The following ZNF804B variants were observed in gnomAD, a reference collection of about 807,000 sequenced individuals.
ZNF804B encodes the protein zinc finger 804B.
In ZNF804B, 80 loss-of-function variants were observed where a neutral mutation model predicts 101.4. That is an observed-to-expected ratio of 0.79 (90% CI 0.66 to 0.95). The LOEUF (loss-of-function observed/expected upper bound fraction) is 0.95, where lower values mean the gene tolerates loss of function less well. ZNF804B is among the 40% of genes least tolerant of loss of function. The pLI, the probability that ZNF804B is intolerant of heterozygous loss-of-function variation, is 0.00. For missense variants in ZNF804B, 1,673 were observed against 1,561.9 expected (o/e 1.07, Z -1.20); for synonymous variants, 622 against 558.8 (o/e 1.11, Z -1.59).
intron 1 of ZNF804B, among the ~76,000 whole-genome samples, chr7:88,948,374 G>C (rs1793169887): frequency 7.4e-6 from 1 of 136,008 alleles, no homozygotes. Flanking sequence ...GCAGCGGTAT[G>C]ATCATGGGCC....
chr7:89,066,482 C>T (rs928668827), intron 1 of ZNF804B, among the ~76,000 whole-genome samples: 1 of 152,046 alleles, frequency 6.6e-6, no homozygotes. Flanking sequence ...TGATGGGAAC[C>T]ATTAGCAGGT....
At chr7:88,781,631 C>T (rs1387312760) in intron 1 of ZNF804B, among the ~76,000 whole-genome samples, 1 of 152,106 alleles carries the variant, frequency 6.6e-6, no homozygotes, top group African/African-American at 2.4e-5. Context: ...TTTCTTATAT[C>T]ATTTATTTTA....
intron 1 of ZNF804B, among the ~76,000 whole-genome samples, chr7:88,830,601 G>A (rs1483941355): frequency 1.3e-5 from 2 of 151,774 alleles, no homozygotes; most frequent in Non-Finnish European, 2.9e-5. Flanking sequence ...TGTTTTCAGT[G>A]TACCCAGCTT....
intron 1 of ZNF804B, among the ~76,000 whole-genome samples, chr7:88,963,499 C>T (rs528513526): frequency 6.6e-6 from 1 of 151,380 alleles, no homozygotes; most frequent in Admixed American, 6.6e-5. Context: ...TTACCTTATA[C>T]CTTATACACA....
intron 1 of ZNF804B, among the ~76,000 whole-genome samples, chr7:88,932,159 G>A (rs1224567031): frequency 2.0e-5 from 3 of 151,700 alleles, no homozygotes; most frequent in Non-Finnish European, 4.4e-5. Context: ...AGACAAAATG[G>A]GTATGAGCTA....
intron 1 of ZNF804B, among the ~76,000 whole-genome samples, chr7:88,774,792 T>C (rs1790118643): frequency 6.6e-6 from 1 of 152,106 alleles, no homozygotes; most frequent in Non-Finnish European, 1.5e-5. Flanking sequence ...CTCTAAATTG[T>C]AGAGACCACA....
At chr7:89,096,024 G>A (rs909795706) in intron 1 of ZNF804B, among the ~76,000 whole-genome samples, 7 of 151,872 alleles carry the variant, frequency 4.6e-5, no homozygotes, top group Non-Finnish European at 1.0e-4. Context: ...GCATGGTGGC[G>A]GGTGCCTGTA....
Position 89,176,433 on chromosome 7 carries a change from T to C in ZNF804B, c.109-41722T>C, listed in dbSNP as rs73395262. Among the ~76,000 whole-genome samples, 679 of 152,128 alleles carry C rather than the reference T, an allele frequency of 4.5e-3. 7 individuals carry two copies. The highest frequency in any genetic ancestry group is 0.016 in the African/African-American group (649 of 41,552). ...ATATGTTAAACCATCTTTGCGTGAT[T>C]GGAATAAATCTCACTTGGTCATGAT... On this transcript the variant is annotated intron_variant, in intron 1 of 3. Transcript: ENST00000333190.
intron 1 of ZNF804B, among the ~76,000 whole-genome samples, chr7:88,956,851 C>A (rs565350595): frequency 6.6e-6 from 1 of 151,510 alleles, no homozygotes; most frequent in South Asian, 2.1e-4. Context: ...CTCTATTTTA[C>A]TTTTGTTGCA....
chr7:89,080,455 G>A (rs1789679841), intron 1 of ZNF804B, among the ~76,000 whole-genome samples: 1 of 151,818 alleles, frequency 6.6e-6, no homozygotes, highest in Non-Finnish European at 1.5e-5. Flanking sequence ...ATAGCTTTTA[G>A]GAAGTAATAC....
intron 1 of ZNF804B, among the ~76,000 whole-genome samples, chr7:88,774,238 C>A (rs1160751027): frequency 6.7e-6 from 1 of 148,836 alleles, no homozygotes; most frequent in Non-Finnish European, 1.5e-5. Flanking sequence ...GAAACTTCGG[C>A]CACCTCCAAG....
At chr7:89,018,476 G>T (rs972240505) in intron 1 of ZNF804B, among the ~76,000 whole-genome samples, 7 of 151,628 alleles carry the variant, frequency 4.6e-5, no homozygotes, top group Admixed American at 6.6e-5. Context: ...TTTTTATGGA[G>T]TTTTTTTGTA....
At chr7:88,760,680 C>A (rs963532469) in intron 1 of ZNF804B, among the ~76,000 whole-genome samples, 23 of 151,886 alleles carry the variant, frequency 1.5e-4, no homozygotes, top group Middle Eastern at 3.5e-3. Flanking sequence ...TATTAACATG[C>A]AATTAACGTG....
At chr7:89,260,919 G>A (rs1425287302) in intron 2 of ZNF804B, among the ~76,000 whole-genome samples, 1 of 152,104 alleles carries the variant, frequency 6.6e-6, no homozygotes, top group African/African-American at 2.4e-5. Flanking sequence ...ATATGGGTTC[G>A]ATGTTGTTCT....
At chr7:89,180,321 A>G (rs1788280122) in intron 1 of ZNF804B, among the ~76,000 whole-genome samples, 1 of 152,122 alleles carries the variant, frequency 6.6e-6, no homozygotes, top group Non-Finnish European at 1.5e-5. Flanking sequence ...TTAGGAATTT[A>G]CTTGGTGCTT....
chr7:89,055,387 T>A (rs966947938), intron 1 of ZNF804B, among the ~76,000 whole-genome samples: 1 of 152,128 alleles, frequency 6.6e-6, no homozygotes, highest in Non-Finnish European at 1.5e-5. Context: ...CGCTAAGATC[T>A]GATTTGTAGT....
At chr7:89,308,369 C>G (rs1367717048) in intron 2 of ZNF804B, among the ~76,000 whole-genome samples, 1 of 151,960 alleles carries the variant, frequency 6.6e-6, no homozygotes. Context: ...TGAGAATATT[C>G]AGGGCTTGTT....
At chr7:89,156,019 CCTTTCTTTCTTT>C (rs58720640) in intron 1 of ZNF804B, among the ~76,000 whole-genome samples, 3,016 of 121,800 alleles carry the variant, frequency 0.025, 40 homozygotes, top group African/African-American at 0.035. Context: ...TTCTCTCTTT[CCTTTCTTTCTTT>C]CTTTCTTTCT....
chr7:89,070,934 T>C (rs759859429), intron 1 of ZNF804B, among the ~76,000 whole-genome samples: 5 of 152,160 alleles, frequency 3.3e-5, no homozygotes, highest in Non-Finnish European at 7.4e-5. Context: ...CCAGTATCAA[T>C]GGAGGAGTGG....
Sources: allele counts gnomAD v4.1 joint callset (sites outside exome capture counted in the v4.1 genomes callset), GRCh38; gene constraint gnomAD v4.1.1; transcripts MANE v1.5; gene names NCBI Gene and HGNC (gene_info 2026-07-23, HGNC 2026-07-21).